The following PCDHGA4 variants were observed in gnomAD, a reference collection of about 807,000 sequenced individuals.
PCDHGA4 encodes protocadherin gamma-A4.
In PCDHGA4, 38 loss-of-function variants were observed where a neutral mutation model predicts 54.6. The ratio of observed to expected loss-of-function variants is 0.70; its 90% CI spans 0.54 to 0.91. The LOEUF is 0.91. PCDHGA4 is among the 40% of genes least tolerant of loss of function. The pLI is 0.00. For missense variants in PCDHGA4, 1,298 were observed against 1,220.9 expected (o/e 1.06, Z -0.94); for synonymous variants, 511 against 512.9 (o/e 1.00, Z 0.05).
chr5:141,411,910 C>T (rs1248743908), intron 1 of PCDHGA4: 2 of 152,164 alleles, frequency 1.3e-5, no homozygotes, highest in East Asian at 1.9e-4. Context: ...TGCCTTTGCA[C>T]TCAGTCTCTG....
chr5:141,375,552 C>T, intron 1 of PCDHGA4: 1 of 1,614,058 alleles, frequency 6.2e-7, no homozygotes. Flanking sequence ...GTCTCCTACT[C>T]ACTGGCAGAA....
intron 1 of PCDHGA4, chr5:141,478,046 C>A (rs762982394): frequency 3.7e-6 from 6 of 1,614,172 alleles, no homozygotes; most frequent in Non-Finnish European, 5.1e-6. Flanking sequence ...CAGGCAGACT[C>A]TCACGGTCTT....
At position 141,426,367 on chromosome 5, in the gene PCDHGA4, G is replaced by A. The variant is rs557191606; in HGVS notation, c.2515-68440G>A. The A allele has an allele frequency of 8.2e-4, 168 of 204,486 alleles. 3 individuals are homozygous for A. The South Asian group carries it at 0.014, about 17-fold the overall frequency. 12.7% of individuals were successfully genotyped at this position (204,486 alleles called of 1,614,324 possible). ...TTTCCTGCTGCCTTTGTTCTGCGGG[G>A]CACCCTCGGAGCAGATCCGCTACTC... is the stretch of plus-strand genomic sequence containing the variant. On this transcript the variant is annotated intron_variant, in intron 1 of 3. Transcript: ENST00000571252.
At position 141,399,929 on chromosome 5, in the gene PCDHGA4, C is replaced by T. The variant is rs746168026; in HGVS notation, c.2514+42308C>T. 15 of 1,612,262 alleles carry T rather than the reference C, an allele frequency of 9.3e-6. No homozygotes were observed. The African/African-American group carries it at 1.1e-4, about 11-fold the overall frequency. On this transcript the variant is annotated intron_variant, in intron 1 of 3. Coordinates refer to ENST00000571252, the MANE Select transcript of PCDHGA4 (RefSeq NM_018917.4). ...GACTCAGGACACAACGCCTGGCTGT[C>T]CTACCACGTGCTGCAGGCTAGCGAG...
intron 1 of PCDHGA4, among the ~76,000 whole-genome samples, chr5:141,488,571 A>G (rs2099677106): frequency 6.6e-6 from 1 of 152,194 alleles, no homozygotes; most frequent in East Asian, 1.9e-4. Flanking sequence ...TCCGCAAAGC[A>G]TTGCTGGAGA....
At chr5:141,441,855 G>A in intron 1 of PCDHGA4, 3 of 351,872 alleles carry the variant, frequency 8.5e-6, no homozygotes, top group Admixed American at 4.0e-5. Flanking sequence ...ATATGGTGCT[G>A]CACGCCGCGG....
intron 1 of PCDHGA4, chr5:141,393,417 A>C: frequency 6.2e-7 from 1 of 1,614,032 alleles, no homozygotes; most frequent in Non-Finnish European, 8.5e-7. Context: ...CGCCCTGGAC[A>C]GGGAGGAAGA....
chr5:141,459,617 A>G (rs900986636), intron 1 of PCDHGA4, among the ~76,000 whole-genome samples: 2 of 152,258 alleles, frequency 1.3e-5, no homozygotes, highest in African/African-American at 2.4e-5. Flanking sequence ...GCTTAACTTT[A>G]TAAGAAGCTG....
chr5:141,359,093 T>C (rs970886110), intron 1 of PCDHGA4, among the ~76,000 whole-genome samples: 2 of 152,204 alleles, frequency 1.3e-5, no homozygotes, highest in African/African-American at 4.8e-5. Context: ...AGTTTCTACA[T>C]GGTTTTGTAT....
chr5:141,389,657 G>A lies in PCDHGA4; in HGVS notation c.2514+32036G>A, dbSNP rs372714152. The stretch of plus-strand genomic sequence containing the variant: ...GCTACTTGGTGACCAAGGTAGTGGC[G>A]GTGGACGCAGACTCAGGACACAACG... On this transcript the variant is annotated intron_variant, in intron 1 of 3. Transcript: ENST00000571252. The A allele has an allele frequency of 6.2e-5, 100 of 1,612,554 alleles. 2 individuals are homozygous for A. In the African/African-American group the frequency reaches 1.0e-3, roughly 17 times the overall value.
chr5:141,374,896 A>T (rs1038384205), intron 1 of PCDHGA4: 1 of 1,613,804 alleles, frequency 6.2e-7, no homozygotes, highest in Non-Finnish European at 8.5e-7. Flanking sequence ...ACCAGGATGA[A>T]GGAGTCCACG....
intron 1 of PCDHGA4, chr5:141,379,054 G>A (rs969073480): frequency 6.6e-5 from 10 of 152,204 alleles, no homozygotes; most frequent in Admixed American, 5.2e-4. Context: ...TTATAGAATG[G>A]ATTGGCCACT....
Position 141,493,957 on chromosome 5 carries a change from G to A in PCDHGA4, c.2515-850G>A, listed in dbSNP as rs1360777586. 6.6e-6 allele frequency among the ~76,000 whole-genome samples: 1 copy of A among 152,228 alleles called. No individual in the cohort carries two copies. The highest frequency in any genetic ancestry group is 2.4e-5 in the African/African-American group (1 of 41,458). On this transcript the variant is annotated intron_variant, in intron 1 of 3. Coordinates refer to ENST00000571252, the MANE Select transcript of PCDHGA4 (RefSeq NM_018917.4). This position sits in a 1 kb window ranked among gnomAD's most constrained non-coding sequence, Gnocchi z 4.3. ...AGACCAGAAGGGACTCAGGAATGAA[G>A]TGGCTGGCCAGAGCCCCACACCTTC... is the stretch of plus-strand genomic sequence containing the variant.
Position 141,399,184 on chromosome 5 carries a change from C to T in PCDHGA4, c.2514+41563C>T, listed in dbSNP as rs1398440525. The T allele has an allele frequency of 1.9e-6, 3 of 1,613,746 alleles. No individual in the cohort carries two copies. In the African/African-American group the frequency reaches 4.0e-5, roughly 22 times the overall value. On this transcript the variant is annotated intron_variant, in intron 1 of 3. Coordinates refer to ENST00000571252, the MANE Select transcript of PCDHGA4 (RefSeq NM_018917.4). The stretch of plus-strand genomic sequence containing the variant: ...ATTCCATTCTCTACTTGAAATGATT[C>T]TGGAAAACGCGGTGCCTGGAACACT...
At chr5:141,427,840 A>C (rs779622800) in intron 1 of PCDHGA4, 8 of 1,548,180 alleles carry the variant, frequency 5.2e-6, no homozygotes, top group Admixed American at 3.3e-5. Flanking sequence ...CGTGCCTTCG[A>C]CCACGAGCAG....
rs117623972 is a variant in PCDHGA4 at position 141,503,322 on chromosome 5, C to T, written c.2574-2071C>T. On this transcript the variant is annotated intron_variant, in intron 2 of 3. Transcript: ENST00000571252. Reference sequence around the variant, plus strand: ...GCTCAAGAAAGAATTGTTGGAGGGGCGCGGTGGCTCACGCCTGTAATTCCA... The same window carrying T: ...GCTCAAGAAAGAATTGTTGGAGGGGTGCGGTGGCTCACGCCTGTAATTCCA... Among the ~76,000 whole-genome samples, 216 of 152,126 alleles carry T rather than the reference C, an allele frequency of 1.4e-3. 8 individuals carry two copies. In the East Asian group the frequency reaches 0.038, roughly 27 times the overall value.
intron 1 of PCDHGA4, chr5:141,390,508 T>C (rs2092164423): frequency 5.1e-6 from 3 of 589,420 alleles, no homozygotes; most frequent in Non-Finnish European, 8.8e-6. Flanking sequence ...AGCTTAGATT[T>C]ATAAAGCAAT....
chr5:141,463,653 G>A (rs1378583183), intron 1 of PCDHGA4, among the ~76,000 whole-genome samples: 2 of 151,764 alleles, frequency 1.3e-5, no homozygotes, highest in Admixed American at 6.6e-5. Context: ...GGGTTTCACC[G>A]TGTTAGCCAG....
intron 1 of PCDHGA4, chr5:141,409,675 AG>A (rs2095301185): frequency 1.9e-6 from 3 of 1,613,304 alleles, no homozygotes; most frequent in African/African-American, 2.7e-5. Flanking sequence ...CCTACTCTAT[AG>A]TGGCGAGTGA....
Sources: allele counts gnomAD v4.1 joint callset (sites outside exome capture counted in the v4.1 genomes callset), GRCh38; gene constraint gnomAD v4.1.1; non-coding constraint Gnocchi (gnomAD v3.1); transcripts MANE v1.5; gene names NCBI Gene and HGNC (gene_info 2026-07-23, HGNC 2026-07-21).